Variants in CSTPP1 observed in about 807,000 individuals in gnomAD.
CSTPP1 encodes UPF0705 protein C11orf49.
At chr11:47,121,339 G>T in the CSTPP1 span, among the ~76,000 whole-genome samples, 4 of 152,104 alleles carry the variant, frequency 2.6e-5, no homozygotes, top group Admixed American at 1.3e-4. Context: ...TTAGCCACAC[G>T]AGCTTTTGTA....
At chr11:47,025,457 A>G in the CSTPP1 span, among the ~76,000 whole-genome samples, 1 of 152,224 alleles carries the variant, frequency 6.6e-6, no homozygotes, top group Non-Finnish European at 1.5e-5. Context: ...ATCAAGTCCA[A>G]GGAGACTTGG....
At chr11:47,002,549 G>A in the CSTPP1 span, among the ~76,000 whole-genome samples, 8 of 152,068 alleles carry the variant, frequency 5.3e-5, no homozygotes, top group East Asian at 5.8e-4. Context: ...CCCTTGACTC[G>A]TTTAGAAGTC....
At chr11:47,152,191 A>C in the CSTPP1 span, among the ~76,000 whole-genome samples, 1 of 151,720 alleles carries the variant, frequency 6.6e-6, no homozygotes, top group Non-Finnish European at 1.5e-5. Context: ...CGGAGGTTGC[A>C]GTGAGCCGAT....
At chr11:47,157,972 G>A in the CSTPP1 span, 29 of 1,528,846 alleles carry the variant, frequency 1.9e-5, no homozygotes, top group Middle Eastern at 1.7e-4. Context: ...ACAACACAGG[G>A]AGCAGCTGGC....
chr11:47,083,612 C>T, the CSTPP1 span, among the ~76,000 whole-genome samples: 2 of 152,002 alleles, frequency 1.3e-5, no homozygotes, highest in Non-Finnish European at 2.9e-5. Flanking sequence ...TTTGATGTTA[C>T]GTGTCTTTTT....
At chr11:46,970,191 A>G in the CSTPP1 span, among the ~76,000 whole-genome samples, 1 of 152,078 alleles carries the variant, frequency 6.6e-6, no homozygotes, top group South Asian at 2.1e-4. Context: ...ATATTATTAT[A>G]TTTAAATAGA....
the CSTPP1 span, among the ~76,000 whole-genome samples, chr11:47,080,658 CATT>C: frequency 6.6e-6 from 1 of 152,006 alleles, no homozygotes; most frequent in African/African-American, 2.4e-5. Flanking sequence ...CTATTATAAA[CATT>C]ATGCTTCAGC....
chr11:47,038,992 G>T, the CSTPP1 span, among the ~76,000 whole-genome samples: 1 of 124,138 alleles, frequency 8.1e-6, no homozygotes, highest in Non-Finnish European at 1.9e-5. Context: ...ATGGCGGCCG[G>T]GAAGAGGCGC....
At chr11:46,964,654 ACTTTTTGG>A in the CSTPP1 span, among the ~76,000 whole-genome samples, 1 of 152,066 alleles carries the variant, frequency 6.6e-6, no homozygotes, top group African/African-American at 2.4e-5. Context: ...TAATTCTCAA[ACTTTTTGG>A]TTTCAGGATC....
At chr11:47,123,859 G>C in the CSTPP1 span, among the ~76,000 whole-genome samples, 1 of 152,148 alleles carries the variant, frequency 6.6e-6, no homozygotes, top group East Asian at 2.0e-4. Flanking sequence ...AAATTAGCCA[G>C]TGTGGTGGCT....
chr11:47,060,263 T>C, the CSTPP1 span, among the ~76,000 whole-genome samples: 7,196 of 140,022 alleles, frequency 0.051, 105 homozygotes, highest in Non-Finnish European at 0.078. Flanking sequence ...CTTTTCTTTT[T>C]TTTTTTTTTT....
At chr11:47,011,167 T>C in the CSTPP1 span, among the ~76,000 whole-genome samples, 30 of 152,336 alleles carry the variant, frequency 2.0e-4, no homozygotes, top group South Asian at 5.4e-3. Flanking sequence ...TCCAAAAATA[T>C]ACATTTGTGT....
the CSTPP1 span, among the ~76,000 whole-genome samples, chr11:46,970,674 AAC>A: frequency 7.2e-5 from 11 of 152,256 alleles, no homozygotes; most frequent in Admixed American, 1.3e-4. Flanking sequence ...TACAACAAAT[AAC>A]ACAGATAAAA....
the CSTPP1 span, among the ~76,000 whole-genome samples, chr11:47,117,015 A>G: frequency 6.6e-6 from 1 of 152,172 alleles, no homozygotes; most frequent in African/African-American, 2.4e-5. Flanking sequence ...CTTTATTTTC[A>G]GCCTATGTGT....
the CSTPP1 span, among the ~76,000 whole-genome samples, chr11:47,025,840 T>C: frequency 6.6e-6 from 1 of 152,318 alleles, no homozygotes; most frequent in South Asian, 2.1e-4. Context: ...CAAGCATAGA[T>C]ATACAGTGGA....
chr11:47,059,873 G>A, the CSTPP1 span, among the ~76,000 whole-genome samples: 211 of 152,280 alleles, frequency 1.4e-3, no homozygotes, highest in Non-Finnish European at 2.4e-3. Flanking sequence ...GAGAGCCCGA[G>A]GCAGGTGGAT....
the CSTPP1 span, among the ~76,000 whole-genome samples, chr11:47,115,755 A>T: frequency 2.6e-5 from 4 of 151,112 alleles, no homozygotes; most frequent in Admixed American, 2.6e-4. Flanking sequence ...ATCTTTAAAA[A>T]AAAAAAAACC....
At chr11:47,124,824 T>C in the CSTPP1 span, among the ~76,000 whole-genome samples, 12 of 152,220 alleles carry the variant, frequency 7.9e-5, no homozygotes, top group Non-Finnish European at 1.2e-4. Context: ...TTTGTATGCC[T>C]GCCAGTCTCA....
chr11:47,130,405 C>G, the CSTPP1 span, among the ~76,000 whole-genome samples: 24 of 152,294 alleles, frequency 1.6e-4, no homozygotes, highest in East Asian at 4.6e-3. Flanking sequence ...AGGCCATTGC[C>G]TCTTATTCCT....
Sources: gnomAD v4.1 joint callset for allele counts (sites outside exome capture counted in the v4.1 genomes callset) on GRCh38, gnomAD v4.1.1 for gene constraint, MANE v1.5 for transcripts, NCBI Gene and HGNC (gene_info 2026-07-23, HGNC 2026-07-21) for gene names.